Variants in RBFOX1 observed in about 807,000 individuals in gnomAD.
The protein encoded by RBFOX1 is RNA binding protein fox-1 homolog 1.
In RBFOX1, 8 loss-of-function variants were observed where a neutral mutation model predicts 57.7. The observed-to-expected ratio is 0.14, with a 90% CI of 0.08 to 0.25. RBFOX1 has a LOEUF of 0.25. Ranked by LOEUF, RBFOX1 falls within the 10% of genes least tolerant of loss-of-function variation. The pLI is 1.00. For missense variants in RBFOX1, 611 were observed against 548.5 expected, an observed-to-expected ratio of 1.11 and a Z score of -1.14; for synonymous variants, 326 against 222.4, an observed-to-expected ratio of 1.47 and a Z score of -4.15.
intron 1 of RBFOX1, among the ~76,000 whole-genome samples, chr16:5,282,630 C>A (rs554562348): frequency 7.0e-4 from 107 of 152,292 alleles, no homozygotes; most frequent in African/African-American, 2.3e-3. Context: ...CATTTTGCCC[C>A]TGCTGTAGAG....
chr16:6,715,481 G>C (rs2064613615), intron 3 of RBFOX1, among the ~76,000 whole-genome samples: 1 of 152,092 alleles, frequency 6.6e-6, no homozygotes, highest in Admixed American at 6.6e-5. Context: ...CAAGGAAGGA[G>C]GTTATAATCT....
chr16:5,443,311 C>T (rs552053284), intron 1 of RBFOX1, among the ~76,000 whole-genome samples: 5 of 152,204 alleles, frequency 3.3e-5, no homozygotes, highest in African/African-American at 1.2e-4. Flanking sequence ...GATGTCAACT[C>T]CTCATGTCAC....
At chr16:5,380,340 G>A (rs113091807) in intron 1 of RBFOX1, among the ~76,000 whole-genome samples, 3 of 152,150 alleles carry the variant, frequency 2.0e-5, no homozygotes, top group Non-Finnish European at 4.4e-5. Context: ...AAGGATAGAC[G>A]TACAGAGCGG....
intron 3 of RBFOX1, among the ~76,000 whole-genome samples, chr16:5,785,457 C>G (rs1283204481): frequency 6.6e-6 from 1 of 152,092 alleles, no homozygotes; most frequent in East Asian, 1.9e-4. Context: ...ATTTTCTGTC[C>G]TACCTTCTGT....
chr16:5,352,138 G>C (rs1172336791), intron 1 of RBFOX1, among the ~76,000 whole-genome samples: 1 of 151,924 alleles, frequency 6.6e-6, no homozygotes, highest in Admixed American at 6.6e-5. Flanking sequence ...CTTTTCCCCA[G>C]TATGGTCTGT....
chr16:5,762,815 A>G (rs2053635628), intron 3 of RBFOX1, among the ~76,000 whole-genome samples: 1 of 152,170 alleles, frequency 6.6e-6, no homozygotes, highest in African/African-American at 2.4e-5. Flanking sequence ...GATATTTCTG[A>G]TTCCTCAAGT....
At chr16:6,881,071 A>G (rs1226574072) in intron 3 of RBFOX1, among the ~76,000 whole-genome samples, 1 of 152,172 alleles carries the variant, frequency 6.6e-6, no homozygotes, top group Non-Finnish European at 1.5e-5. Context: ...CTAATCAATC[A>G]TGGCACTTTT....
intron 4 of RBFOX1, among the ~76,000 whole-genome samples, chr16:7,353,986 T>A (rs2097171497): frequency 6.6e-6 from 1 of 152,140 alleles, no homozygotes; most frequent in Non-Finnish European, 1.5e-5. Context: ...ATTTTATTTT[T>A]TTGGAGACAG....
At chr16:6,494,752 C>T (rs755664585) in intron 2 of RBFOX1, among the ~76,000 whole-genome samples, 3 of 152,172 alleles carry the variant, frequency 2.0e-5, no homozygotes, top group African/African-American at 4.8e-5. Flanking sequence ...CAATATGTTG[C>T]ACCCATTGGA....
At chr16:7,118,153 A>G (rs531643353) in intron 4 of RBFOX1, among the ~76,000 whole-genome samples, 1 of 152,276 alleles carries the variant, frequency 6.6e-6, no homozygotes, top group South Asian at 2.1e-4. Flanking sequence ...AGAAATCTGC[A>G]TACTGTTGCA....
chr16:7,472,134 A>G (rs190023952), intron 4 of RBFOX1, among the ~76,000 whole-genome samples: 20 of 152,342 alleles, frequency 1.3e-4, no homozygotes, highest in Admixed American at 5.2e-4. Flanking sequence ...TAACATGTTT[A>G]TAATTTCTTC....
intron 3 of RBFOX1, among the ~76,000 whole-genome samples, chr16:6,881,311 T>G (rs1404804834): frequency 6.6e-6 from 1 of 152,132 alleles, no homozygotes; most frequent in Non-Finnish European, 1.5e-5. Context: ...ACAATATTAG[T>G]TTGCTTGGAC....
At chr16:5,283,406 C>T (rs775809229) in intron 1 of RBFOX1, among the ~76,000 whole-genome samples, 4 of 152,144 alleles carry the variant, frequency 2.6e-5, no homozygotes, top group African/African-American at 9.7e-5. Context: ...ACAGCTTGTA[C>T]TGTGTGCCTG....
At chr16:7,307,892 G>T (rs547926991) in intron 4 of RBFOX1, among the ~76,000 whole-genome samples, 3 of 152,162 alleles carry the variant, frequency 2.0e-5, no homozygotes, top group Non-Finnish European at 2.9e-5. Context: ...TTCCTGAGTG[G>T]CTTCATGCTG....
At chr16:7,220,205 A>G (rs147497371) in intron 4 of RBFOX1, among the ~76,000 whole-genome samples, 4 of 152,300 alleles carry the variant, frequency 2.6e-5, no homozygotes, top group African/African-American at 9.6e-5. Flanking sequence ...TGACATTAGC[A>G]GACAGCATGC....
At chr16:5,917,309 G>GT (rs999412581) in intron 4 of RBFOX1, among the ~76,000 whole-genome samples, 2 of 152,182 alleles carry the variant, frequency 1.3e-5, no homozygotes, top group Admixed American at 1.3e-4. Context: ...AGAATACTCA[G>GT]TAAGTCCATT....
At chr16:5,796,689 G>A (rs577465684) in intron 3 of RBFOX1, among the ~76,000 whole-genome samples, 41 of 152,222 alleles carry the variant, frequency 2.7e-4, no homozygotes, top group African/African-American at 9.9e-4. Flanking sequence ...CCCATTTTAC[G>A]GATGAAGACA....
intron 3 of RBFOX1, among the ~76,000 whole-genome samples, chr16:5,753,496 G>A (rs966405404): frequency 6.6e-6 from 1 of 152,080 alleles, no homozygotes; most frequent in East Asian, 1.9e-4. Context: ...CTAAATATGC[G>A]GCAACGGAGT....
At chr16:6,433,174 T>G (rs763462780) in intron 2 of RBFOX1, among the ~76,000 whole-genome samples, 10 of 152,152 alleles carry the variant, frequency 6.6e-5, no homozygotes, top group Non-Finnish European at 1.2e-4. Context: ...GGGCTATGGA[T>G]ACAGTGAAAA....
Sources: allele counts gnomAD v4.1 joint callset (sites outside exome capture counted in the v4.1 genomes callset), GRCh38; gene constraint gnomAD v4.1.1; transcripts MANE v1.5; gene names NCBI Gene and HGNC (gene_info 2026-07-23, HGNC 2026-07-21).